Variants in GRID2 observed in about 807,000 individuals in gnomAD.
GRID2 encodes glutamate receptor ionotropic, delta-2.
Under a neutral mutation model 114.8 loss-of-function variants are expected in GRID2, and 33 were observed. The ratio of observed to expected loss-of-function variants is 0.29; its 90% CI spans 0.22 to 0.38. The LOEUF is 0.38. Among genes scored for constraint, GRID2 ranks in the 10% least tolerant of loss-of-function variants. The pLI, the probability that GRID2 is intolerant of heterozygous loss-of-function variation, is 1.00. For missense variants in GRID2, 1,184 were observed against 1,257.7 expected (o/e 0.94, Z 0.89); for synonymous variants, 505 against 449.9 (o/e 1.12, Z -1.55).
intron 1 of GRID2, among the ~76,000 whole-genome samples, chr4:92,540,435 C>G (rs1016197575): frequency 1.3e-5 from 2 of 151,934 alleles, no homozygotes; most frequent in Non-Finnish European, 2.9e-5. Context: ...ACATAGAACT[C>G]AAACAAATTT....
rs192706094 is a variant in GRID2, at chr4:92,373,001, C to A, written c.88+68257C>A. Among the ~76,000 whole-genome samples the A allele has an allele frequency of 1.6e-4, 25 of 152,244 alleles. 1 individual carries two copies. The East Asian group carries it at 4.6e-3, about 28-fold the overall frequency. Reference sequence around the variant, plus strand: ...TTCAAACAAGTTGGTTTTATTGGCACATTGCAACAAAGGAAACTAACACAA... The same window carrying A: ...TTCAAACAAGTTGGTTTTATTGGCAAATTGCAACAAAGGAAACTAACACAA... On this transcript the variant is annotated intron_variant, in intron 1 of 15. Coordinates refer to ENST00000282020, the MANE Select transcript of GRID2 (RefSeq NM_001510.4).
intron 8 of GRID2, among the ~76,000 whole-genome samples, chr4:93,270,544 G>A (rs1431048840): frequency 6.6e-6 from 1 of 152,210 alleles, no homozygotes; most frequent in African/African-American, 2.4e-5. Flanking sequence ...ATCCTACCAA[G>A]GAGAGCTGGA....
chr4:93,419,381 T>C (rs369035150), intron 9 of GRID2, among the ~76,000 whole-genome samples: 189 of 152,114 alleles, frequency 1.2e-3, no homozygotes, highest in African/African-American at 3.5e-3. Context: ...CAAAACAAGC[T>C]AAGTATTACT....
At chr4:93,561,699 C>G (rs1734943648) in intron 13 of GRID2, among the ~76,000 whole-genome samples, 1 of 152,086 alleles carries the variant, frequency 6.6e-6, no homozygotes, top group Non-Finnish European at 1.5e-5. Flanking sequence ...CTCCCTATCC[C>G]CTAAACCCTG....
chr4:92,347,092 C>A (rs571368867), intron 1 of GRID2, among the ~76,000 whole-genome samples: 45 of 152,284 alleles, frequency 3.0e-4, no homozygotes, highest in Non-Finnish European at 5.4e-4. Flanking sequence ...AGAAGGCTGG[C>A]AGATTGAGAT....
intron 1 of GRID2, among the ~76,000 whole-genome samples, chr4:92,442,991 A>T (rs1311656302): frequency 6.6e-6 from 1 of 152,016 alleles, no homozygotes; most frequent in Non-Finnish European, 1.5e-5. Flanking sequence ...AAGAATTGGG[A>T]CCTAGCTCGG....
At chr4:93,490,349 C>A (rs1380339067) in intron 11 of GRID2, among the ~76,000 whole-genome samples, 1 of 151,760 alleles carries the variant, frequency 6.6e-6, no homozygotes, top group South Asian at 2.1e-4. Flanking sequence ...AAAGCATATA[C>A]CTGTGATTAT....
chr4:92,491,845 A>G (rs1444387875), intron 1 of GRID2, among the ~76,000 whole-genome samples: 1 of 152,104 alleles, frequency 6.6e-6, no homozygotes, highest in Non-Finnish European at 1.5e-5. Context: ...TTCTCATATC[A>G]CTTTATAGAG....
chr4:93,201,770 A>G (rs1560979289), intron 4 of GRID2, among the ~76,000 whole-genome samples: 1 of 152,164 alleles, frequency 6.6e-6, no homozygotes, highest in Non-Finnish European at 1.5e-5. Context: ...GGGTTGTGTT[A>G]TATTTAGCAC....
intron 1 of GRID2, among the ~76,000 whole-genome samples, chr4:92,572,483 T>G (rs1422201982): frequency 6.6e-6 from 1 of 152,162 alleles, no homozygotes; most frequent in Non-Finnish European, 1.5e-5. Context: ...CCATTCCTTC[T>G]GAAATGATTC....
At chr4:92,445,604 C>G (rs939234235) in intron 1 of GRID2, among the ~76,000 whole-genome samples, 1 of 151,996 alleles carries the variant, frequency 6.6e-6, no homozygotes, top group Non-Finnish European at 1.5e-5. Context: ...AAGGTGCTAC[C>G]CTTGAATCCA....
chr4:93,415,016 A>G (rs1302971227), intron 9 of GRID2, among the ~76,000 whole-genome samples: 2 of 152,194 alleles, frequency 1.3e-5, no homozygotes, highest in Admixed American at 1.3e-4. Context: ...AAATGCTTCT[A>G]TATCCAGATA....
At chr4:93,115,623 T>G (rs1385786672) in intron 4 of GRID2, among the ~76,000 whole-genome samples, 3 of 152,036 alleles carry the variant, frequency 2.0e-5, no homozygotes, top group African/African-American at 7.2e-5. Context: ...TGAGACTGGG[T>G]AATTTATAAA....
chr4:93,507,008 T>C (rs1728698279), intron 12 of GRID2, among the ~76,000 whole-genome samples: 1 of 152,184 alleles, frequency 6.6e-6, no homozygotes, highest in African/African-American at 2.4e-5. Flanking sequence ...TCTAATCTTC[T>C]CTGAGAGAAC....
chr4:92,959,667 A>G (rs1174912301), intron 2 of GRID2, among the ~76,000 whole-genome samples: 2 of 152,174 alleles, frequency 1.3e-5, no homozygotes, highest in Non-Finnish European at 2.9e-5. Flanking sequence ...ATGGAATACA[A>G]TGCAGCCATA....
At chr4:93,021,072 G>T (rs1402468793) in intron 2 of GRID2, among the ~76,000 whole-genome samples, 1 of 150,852 alleles carries the variant, frequency 6.6e-6, no homozygotes, top group African/African-American at 2.4e-5. Context: ...TTAAAAATCA[G>T]TAATTAATAA....
intron 1 of GRID2, among the ~76,000 whole-genome samples, chr4:93,784,046 T>C (rs368899340): frequency 0.076 from 8,387 of 110,266 alleles, 274 homozygotes; most frequent in Middle Eastern, 0.21. Context: ...CACTCCAGCC[T>C]GGGCGACAGA....
At position 93,056,424 on chromosome 4, in the gene GRID2, A is replaced by G. The variant is rs559604026; in HGVS notation, c.245-28571A>G. Among the ~76,000 whole-genome samples the G allele has an allele frequency of 1.1e-4, 17 of 152,052 alleles. No individual in the cohort carries two copies. The East Asian group carries it at 2.7e-3, about 24-fold the overall frequency. ...GCCACTGCGTGATTGAAGTAGGAAT[A>G]TAAATGAAGGAACATGGATTTCACT... On this transcript the variant is annotated intron_variant, in intron 2 of 15. Coordinates refer to ENST00000282020, the MANE Select transcript of GRID2 (RefSeq NM_001510.4).
At chr4:93,169,215 A>G (rs1224146202) in intron 4 of GRID2, among the ~76,000 whole-genome samples, 1 of 151,948 alleles carries the variant, frequency 6.6e-6, no homozygotes, top group Admixed American at 6.6e-5. Flanking sequence ...TAAAAATTAT[A>G]GAAAATATTT....
Sources: gnomAD v4.1 joint callset for allele counts (sites outside exome capture counted in the v4.1 genomes callset) on GRCh38, gnomAD v4.1.1 for gene constraint, MANE v1.5 for transcripts, NCBI Gene and HGNC (gene_info 2026-07-23, HGNC 2026-07-21) for gene names.